CEP63: variants seen among roughly 807,000 people sequenced by gnomAD.
The protein encoded by CEP63 is centrosomal protein 63, also known as centrosomal protein of 63 kDa.
A neutral mutation model predicts 89.1 loss-of-function variants in CEP63; 84 were observed. The ratio of observed to expected loss-of-function variants is 0.94; its 90% CI spans 0.79 to 1.13. The LOEUF is 1.13. CEP63 is among the 50% of genes most tolerant of loss of function. The pLI, the probability that CEP63 is intolerant of heterozygous loss-of-function variation, is 0.00. For synonymous variants in CEP63, 267 were observed against 272.5 expected, an observed-to-expected ratio of 0.98 and a Z score of 0.20; for missense variants, 838 against 813.3, an observed-to-expected ratio of 1.03 and a Z score of -0.37.
chr3:134,640,297 G>A, the CEP63 span, among the ~76,000 whole-genome samples: 2 of 152,188 alleles, frequency 1.3e-5, no homozygotes, highest in African/African-American at 2.4e-5. Context: ...GTATGGGGGA[G>A]TAGTTAAGCC....
intron 10 of CEP63, among the ~76,000 whole-genome samples, chr3:134,585,102 T>G (rs992685670): frequency 6.6e-6 from 1 of 151,920 alleles, no homozygotes; most frequent in Non-Finnish European, 1.5e-5. Flanking sequence ...GTCTTGCTAG[T>G]GGTCTATCAA....
At chr3:134,559,536 A>G (rs1163885580) in intron 14 of CEP63, 107 bp downstream of exon 14, 27 of 925,838 alleles carry the variant, frequency 2.9e-5, no homozygotes, top group Middle Eastern at 3.1e-4. Flanking sequence ...TGATTCTTTT[A>G]TCATAAGTAC....
At chr3:134,509,629 A>G (rs1168250574) in intron 3 of CEP63, among the ~76,000 whole-genome samples, 2 of 152,210 alleles carry the variant, frequency 1.3e-5, no homozygotes, top group African/African-American at 4.8e-5. Context: ...CCTACTTGTA[A>G]TAATAAGACA....
At chr3:134,540,573 C>T (rs1001488675) in intron 6 of CEP63, among the ~76,000 whole-genome samples, 1 of 151,886 alleles carries the variant, frequency 6.6e-6, no homozygotes, top group African/African-American at 2.4e-5. Flanking sequence ...CCACATTGAG[C>T]GCTATTATTT....
At chr3:134,608,746 T>C in the CEP63 span, 1 of 1,614,012 alleles carries the variant, frequency 6.2e-7, no homozygotes, top group Non-Finnish European at 8.5e-7. Context: ...GCCTCAGAGA[T>C]TGAGGAGGTT....
the CEP63 span, among the ~76,000 whole-genome samples, chr3:134,722,706 T>C: frequency 6.6e-6 from 1 of 152,208 alleles, no homozygotes; most frequent in Non-Finnish European, 1.5e-5. Context: ...GTGTGCCTGG[T>C]AGGTAGCAGG....
the CEP63 span, among the ~76,000 whole-genome samples, chr3:134,640,317 C>T: frequency 3.3e-4 from 50 of 152,236 alleles, 1 homozygote; most frequent in African/African-American, 1.2e-3. Context: ...CCACCGCTTT[C>T]GAGAGCCCAC....
At chr3:134,503,577 A>T (rs1942643399) in intron 2 of CEP63, among the ~76,000 whole-genome samples, 1 of 152,096 alleles carries the variant, frequency 6.6e-6, no homozygotes, top group Non-Finnish European at 1.5e-5. Context: ...TTCTGTCTAA[A>T]TCACTTGTCC....
chr3:134,772,659 T>G, the CEP63 span, among the ~76,000 whole-genome samples: 45 of 152,256 alleles, frequency 3.0e-4, no homozygotes, highest in African/African-American at 1.0e-3. Context: ...CTCTGCCAAC[T>G]GCACATGTGG....
At chr3:134,569,690 G>A (rs903265441), downstream of CEP63, among the ~76,000 whole-genome samples, 11 of 152,260 alleles carry the variant, frequency 7.2e-5, no homozygotes, top group South Asian at 2.1e-4. Context: ...TGGATCTACC[G>A]TTCTGGGGTC....
chr3:134,692,736 C>A, the CEP63 span, among the ~76,000 whole-genome samples: 1 of 152,202 alleles, frequency 6.6e-6, no homozygotes, highest in Non-Finnish European at 1.5e-5. Context: ...TTCACACAGA[C>A]GTGTGCACAT....
chr3:134,718,116 A>G, the CEP63 span, among the ~76,000 whole-genome samples: 1 of 152,176 alleles, frequency 6.6e-6, no homozygotes, highest in Non-Finnish European at 1.5e-5. Context: ...CTGGTAAATC[A>G]TCATGTTTCA....
At chr3:134,707,737 TTC>T in the CEP63 span, among the ~76,000 whole-genome samples, 1,248 of 69,520 alleles carry the variant, frequency 0.018, 20 homozygotes, top group African/African-American at 0.07. Context: ...TTTGATTCTT[TTC>T]TTTTTTTTTT....
intron 12 of CEP63, 69 bp downstream of exon 12, chr3:134,552,081 C>A: frequency 2.4e-6 from 2 of 828,552 alleles, no homozygotes; most frequent in Non-Finnish European, 4.0e-6. Flanking sequence ...TAAATATTTA[C>A]ATTATAAAGA....
chr3:134,744,431 T>C, the CEP63 span, among the ~76,000 whole-genome samples: 3 of 152,352 alleles, frequency 2.0e-5, no homozygotes, highest in African/African-American at 7.2e-5. Flanking sequence ...TAAGCTATTC[T>C]GCTAGGGAAA....
the CEP63 span, among the ~76,000 whole-genome samples, chr3:134,617,813 G>A: frequency 2.0e-5 from 3 of 152,280 alleles, no homozygotes; most frequent in Admixed American, 2.0e-4. Context: ...TGCAGAGGTG[G>A]TCAGGAAGGT....
the CEP63 span, among the ~76,000 whole-genome samples, chr3:134,750,158 A>G: frequency 1.3e-5 from 2 of 152,128 alleles, no homozygotes; most frequent in African/African-American, 4.8e-5. Flanking sequence ...AACCTTCCCA[A>G]TGTGAGCTCT....
rs34900338 is a variant in CEP63 at position 134,508,971 on chromosome 3, CT to C, written c.222+1698del. On this transcript the variant is annotated intron_variant, in intron 3 of 14. Transcript: ENST00000675561. ...GTTGTATTACAACACTTCTTTCTTG[CT>C]TTTTTTTTTTTTAAGGAACAAATGT... Among the ~76,000 whole-genome samples the C allele has an allele frequency of 2.8e-4, 40 of 142,312 alleles. 1 individual carries two copies. Among genetic ancestry groups the C allele is most frequent in the South Asian group, 6.7e-4 (3 of 4,492 alleles). The allele number at this position is 142,312 out of a possible 152,430, so 93.4% of individuals were successfully genotyped here. A position where few individuals can be genotyped will look rare whatever the true frequency, so the allele number is the denominator to read the frequency against.
the CEP63 span, among the ~76,000 whole-genome samples, chr3:134,751,903 T>A: frequency 4.7e-4 from 71 of 152,310 alleles, no homozygotes; most frequent in African/African-American, 1.6e-3. Context: ...TCAGCACTTC[T>A]TATAGTCCAC....
Sources: gnomAD v4.1 joint callset for allele counts (sites outside exome capture counted in the v4.1 genomes callset) on GRCh38, gnomAD v4.1.1 for gene constraint, MANE v1.5 for transcripts, NCBI Gene and HGNC (gene_info 2026-07-23, HGNC 2026-07-21) for gene names.